Variants in CFAP299 observed in about 807,000 individuals in gnomAD.
CFAP299 encodes the protein cilia and flagella associated protein 299.
Under a neutral mutation model 27.0 loss-of-function variants are expected in CFAP299, and 21 were observed. The observed-to-expected ratio is 0.78, with a 90% CI of 0.55 to 1.12. CFAP299 has a LOEUF of 1.12. Ranked by LOEUF, CFAP299 falls within the 50% of genes most tolerant of loss-of-function variation. The probability of loss-of-function intolerance (pLI) is 0.00; values close to 1 mark genes in which losing one functional copy is unlikely to be tolerated. For synonymous variants in CFAP299, 104 were observed against 98.1 expected, an observed-to-expected ratio of 1.06 and a Z score of -0.36; for missense variants, 310 against 276.6, an observed-to-expected ratio of 1.12 and a Z score of -0.86.
intron 3 of CFAP299, among the ~76,000 whole-genome samples, chr4:80,742,855 T>C (rs1724356388): frequency 6.6e-6 from 1 of 152,154 alleles, no homozygotes. Context: ...GTCCTATTTT[T>C]GAAAGCTCAA....
chr4:80,329,196 G>A, the CFAP299 span, among the ~76,000 whole-genome samples: 2 of 100,816 alleles, frequency 2.0e-5, no homozygotes, highest in Non-Finnish European at 3.7e-5. Flanking sequence ...TACCCCAGCA[G>A]TACACTGTAT....
At chr4:80,917,021 G>A (rs182107187) in intron 4 of CFAP299, among the ~76,000 whole-genome samples, 29 of 152,192 alleles carry the variant, frequency 1.9e-4, no homozygotes, top group Admixed American at 3.3e-4. Context: ...ACATTTGGAA[G>A]GAAGAAATTA....
At chr4:80,823,772 C>G (rs1729834961) in intron 3 of CFAP299, among the ~76,000 whole-genome samples, 1 of 151,962 alleles carries the variant, frequency 6.6e-6, no homozygotes, top group Non-Finnish European at 1.5e-5. Flanking sequence ...ATCCTTATCC[C>G]CCTTTTCTAG....
intron 2 of CFAP299, among the ~76,000 whole-genome samples, chr4:80,414,392 G>A (rs1293554688): frequency 6.6e-6 from 1 of 152,082 alleles, no homozygotes; most frequent in Non-Finnish European, 1.5e-5. Context: ...GTAGTGAGAC[G>A]TGTCTGGAAA....
At chr4:80,848,405 A>G (rs192101936) in intron 3 of CFAP299, among the ~76,000 whole-genome samples, 103 of 152,254 alleles carry the variant, frequency 6.8e-4, no homozygotes, top group African/African-American at 2.4e-3. Context: ...CTAGACGCCT[A>G]TTGCTTCTAG....
At position 80,944,898 on chromosome 4, in the gene CFAP299, A is replaced by T. The variant is rs1737392748; in HGVS notation, c.565A>T (p.Arg189Ter). The change falls in exon 5 of 6, where the codon AGA becomes TGA. Residue 189 changes from arginine (R) to a stop codon, truncating the protein, a stop_gained. Coordinates refer to ENST00000358105, the MANE Select transcript of CFAP299 (RefSeq NM_152770.3). LOFTEE classifies it high-confidence loss of function. Reference sequence around the variant, plus strand: ...CGATAATCCAGAAGGCTTACTTTTCAGATACAAAAGAGACAGAAAAATTCT... The same window carrying T: ...CGATAATCCAGAAGGCTTACTTTTCTGATACAAAAGAGACAGAAAAATTCT... ...IADNPEGLLF[R>*]YKRDRKILNV... 1 of 1,612,920 alleles carries T rather than the reference A, an allele frequency of 6.2e-7. No individual in the cohort carries two copies. Among genetic ancestry groups the T allele is most frequent in the African/African-American group, 1.3e-5 (1 of 74,906 alleles).
chr4:80,732,062 GACACACAGACACAC>G (rs897475440), intron 3 of CFAP299, among the ~76,000 whole-genome samples: 2 of 139,460 alleles, frequency 1.4e-5, no homozygotes, highest in East Asian at 2.1e-4. Context: ...CAGACACACA[GACACACAGACACAC>G]ACACACACAC....
chr4:80,898,678 T>C (rs1339071021), intron 4 of CFAP299, among the ~76,000 whole-genome samples: 1 of 151,980 alleles, frequency 6.6e-6, no homozygotes, highest in Non-Finnish European at 1.5e-5. Context: ...TGTAAGATAA[T>C]CTGAGAAAAT....
intron 3 of CFAP299, among the ~76,000 whole-genome samples, chr4:80,812,397 C>T (rs1729202361): frequency 6.6e-6 from 1 of 151,942 alleles, no homozygotes; most frequent in African/African-American, 2.4e-5. Flanking sequence ...TAAGAGAGTC[C>T]CCTCCCTTAT....
intron 3 of CFAP299, among the ~76,000 whole-genome samples, chr4:80,607,126 T>G (rs943024298): frequency 6.6e-5 from 10 of 152,186 alleles, no homozygotes; most frequent in Non-Finnish European, 1.5e-4. Flanking sequence ...GATCAAATTT[T>G]CTTACCAATT....
At chr4:80,386,506 CGGT>C in intron 2 of CFAP299, 8 of 1,429,648 alleles carry the variant, frequency 5.6e-6, no homozygotes, top group African/African-American at 2.5e-5. Flanking sequence ...TTCTCGCGGG[CGGT>C]GGTGGGGGGG....
At chr4:80,838,612 T>A (rs1000255639) in intron 3 of CFAP299, among the ~76,000 whole-genome samples, 1 of 152,020 alleles carries the variant, frequency 6.6e-6, no homozygotes, top group African/African-American at 2.4e-5. Flanking sequence ...GTTCTGTTCC[T>A]TTGGTCTATG....
chr4:80,475,747 G>A (rs1006753838), intron 2 of CFAP299, among the ~76,000 whole-genome samples: 6 of 152,124 alleles, frequency 3.9e-5, no homozygotes, highest in South Asian at 2.1e-4. Context: ...GATAAGTGTC[G>A]CAAACAAATA....
Position 80,715,076 on chromosome 4 carries a change from G to C in CFAP299, c.333+131893G>C, listed in dbSNP as rs916051000. ...TTACTAAAACCTCACAATTTTCCAG[G>C]TAGTTCCCTGTCTTACCCAATAAAT... On this transcript the variant is annotated intron_variant, in intron 3 of 5. Transcript: ENST00000358105. Among the ~76,000 whole-genome samples the C allele has an allele frequency of 2.6e-5, 4 of 152,114 alleles. No homozygotes were observed. The South Asian group carries it at 8.3e-4, about 32-fold the overall frequency.
intron 2 of CFAP299, among the ~76,000 whole-genome samples, chr4:80,493,056 C>G (rs753040707): frequency 2.6e-4 from 39 of 152,172 alleles, no homozygotes; most frequent in Non-Finnish European, 4.4e-4. Context: ...GTCAACAAGA[C>G]TCCAGACACT....
At chr4:80,868,905 CTGTGTG>C (rs1184951626) in intron 3 of CFAP299, among the ~76,000 whole-genome samples, 5,669 of 137,634 alleles carry the variant, frequency 0.041, 178 homozygotes, top group East Asian at 0.13. Context: ...GCTTCTCTCT[CTGTGTG>C]TGTGTGTGTG....
At chr4:80,398,512 A>G (rs1332787738) in intron 2 of CFAP299, among the ~76,000 whole-genome samples, 1 of 152,222 alleles carries the variant, frequency 6.6e-6, no homozygotes, top group African/African-American at 2.4e-5. Flanking sequence ...ATGGAACAGA[A>G]CAGAGACCTC....
At chr4:80,354,420 G>T (rs1369073012) in intron 1 of CFAP299, among the ~76,000 whole-genome samples, 8 of 151,946 alleles carry the variant, frequency 5.3e-5, no homozygotes, top group African/African-American at 1.9e-4. Context: ...CACTTTTTTT[G>T]GTAAAATGTT....
At chr4:80,520,855 C>A (rs1732872603) in intron 2 of CFAP299, among the ~76,000 whole-genome samples, 1 of 152,032 alleles carries the variant, frequency 6.6e-6, no homozygotes, top group Admixed American at 6.6e-5. Flanking sequence ...TAATTTAAGA[C>A]AATTTATGAC....
Sources: allele counts gnomAD v4.1 joint callset (sites outside exome capture counted in the v4.1 genomes callset), GRCh38; gene constraint gnomAD v4.1.1; transcripts MANE v1.5; gene names NCBI Gene and HGNC (gene_info 2026-07-23, HGNC 2026-07-21).